RIMS2: variants seen among roughly 807,000 people sequenced by gnomAD.
RIMS2 encodes regulating synaptic membrane exocytosis 2, also known as regulating synaptic membrane exocytosis protein 2.
In RIMS2, 59 loss-of-function variants were observed where a neutral mutation model predicts 174.4. That is an observed-to-expected ratio of 0.34 (90% CI 0.27 to 0.42). The LOEUF (loss-of-function observed/expected upper bound fraction) is 0.42. Among genes scored for constraint, RIMS2 ranks in the 10% least tolerant of loss-of-function variants. The pLI, the probability that RIMS2 is intolerant of heterozygous loss-of-function variation, is 1.00. For synonymous variants in RIMS2, 606 were observed against 572.5 expected, an observed-to-expected ratio of 1.06 and a Z score of -0.84; for missense variants, 1,620 against 1,666.3, an observed-to-expected ratio of 0.97 and a Z score of 0.48.
intron 1 of RIMS2, among the ~76,000 whole-genome samples, chr8:103,554,746 G>C (rs1031990925): frequency 1.3e-5 from 2 of 152,154 alleles, no homozygotes; most frequent in East Asian, 1.9e-4. Context: ...TATGTCCATT[G>C]CAGCACTACT....
At chr8:103,715,648 C>A (rs1413471675) in intron 2 of RIMS2, among the ~76,000 whole-genome samples, 1 of 152,040 alleles carries the variant, frequency 6.6e-6, no homozygotes, top group East Asian at 1.9e-4. Flanking sequence ...ATTTAAATCA[C>A]CTTTTGACCA....
intron 1 of RIMS2, among the ~76,000 whole-genome samples, chr8:103,640,951 G>C (rs543562102): frequency 1.3e-5 from 2 of 152,198 alleles, no homozygotes; most frequent in Admixed American, 6.5e-5. Context: ...GCTGTGTAAA[G>C]AGCATCTGTA....
intron 1 of RIMS2, among the ~76,000 whole-genome samples, chr8:103,549,126 C>T (rs898537152): frequency 6.6e-6 from 1 of 151,854 alleles, no homozygotes; most frequent in East Asian, 1.9e-4. Context: ...AGAACGCCAC[C>T]AAGATACTCC....
intron 15 of RIMS2, among the ~76,000 whole-genome samples, chr8:103,961,725 T>C (rs756027167): frequency 1.3e-5 from 2 of 152,162 alleles, no homozygotes; most frequent in Admixed American, 1.3e-4. Flanking sequence ...AAATAAAGTA[T>C]TCTATTCCTT....
At chr8:103,995,431 A>G (rs996767757) in intron 17 of RIMS2, among the ~76,000 whole-genome samples, 3 of 152,074 alleles carry the variant, frequency 2.0e-5, no homozygotes, top group Admixed American at 1.3e-4. Flanking sequence ...GTTGGGCTTT[A>G]AAGATTGAAT....
intron 1 of RIMS2, among the ~76,000 whole-genome samples, chr8:103,665,284 G>A (rs1432970740): frequency 6.6e-6 from 1 of 152,142 alleles, no homozygotes; most frequent in Non-Finnish European, 1.5e-5. Flanking sequence ...ATGAAAAAAT[G>A]TGTATTAGAG....
At chr8:104,071,582 G>A (rs969493933) in intron 19 of RIMS2, among the ~76,000 whole-genome samples, 15 of 152,068 alleles carry the variant, frequency 9.9e-5, no homozygotes, top group African/African-American at 2.7e-4. Flanking sequence ...CTACAGGCAC[G>A]CGCCACCATG....
intron 19 of RIMS2, among the ~76,000 whole-genome samples, chr8:104,219,564 A>G (rs977645265): frequency 6.6e-6 from 1 of 152,208 alleles, no homozygotes; most frequent in Non-Finnish European, 1.5e-5. Context: ...ATATGATACT[A>G]TGATAGTTTA....
intron 17 of RIMS2, among the ~76,000 whole-genome samples, chr8:104,008,758 A>G (rs990443081): frequency 3.3e-5 from 5 of 152,024 alleles, no homozygotes; most frequent in African/African-American, 7.2e-5. Context: ...CCATTTTCAC[A>G]TTTTATATTG....
chr8:103,949,822 T>C (rs1277096105), intron 14 of RIMS2, among the ~76,000 whole-genome samples: 1 of 151,960 alleles, frequency 6.6e-6, no homozygotes, highest in South Asian at 2.1e-4. Context: ...AGAAAGTCAA[T>C]TGAGAAAGTA....
At chr8:103,625,496 C>T (rs190185658) in intron 1 of RIMS2, among the ~76,000 whole-genome samples, 110 of 152,198 alleles carry the variant, frequency 7.2e-4, no homozygotes, top group African/African-American at 2.5e-3. Context: ...CATTACCTAA[C>T]GCAGTAACTT....
chr8:103,731,976 G>A (rs2097602266), intron 2 of RIMS2, among the ~76,000 whole-genome samples: 1 of 152,182 alleles, frequency 6.6e-6, no homozygotes, highest in Non-Finnish European at 1.5e-5. Flanking sequence ...TTCCTGGATA[G>A]TCTTGGTGCT....
At chr8:103,869,564 C>T (rs971185651) in intron 3 of RIMS2, among the ~76,000 whole-genome samples, 1 of 151,978 alleles carries the variant, frequency 6.6e-6, no homozygotes, top group Non-Finnish European at 1.5e-5. Context: ...CTCAGATGAT[C>T]TGCCCGCCTC....
At chr8:103,977,920 A>T (rs551213922) in intron 16 of RIMS2, among the ~76,000 whole-genome samples, 6 of 152,338 alleles carry the variant, frequency 3.9e-5, no homozygotes, top group African/African-American at 1.4e-4. Context: ...AAAAGTTTCT[A>T]TGGAGTTTAA....
At chr8:103,773,929 G>A (rs933275173) in intron 3 of RIMS2, among the ~76,000 whole-genome samples, 23 of 152,260 alleles carry the variant, frequency 1.5e-4, no homozygotes, top group Middle Eastern at 3.4e-3. Flanking sequence ...ATCACTTGAG[G>A]TGAAGAGTTT....
intron 1 of RIMS2, among the ~76,000 whole-genome samples, chr8:103,634,713 A>C (rs185053889): frequency 4.1e-4 from 62 of 152,346 alleles, no homozygotes; most frequent in African/African-American, 1.4e-3. Context: ...TGTTGGGTGC[A>C]TACGTATTTA....
At chr8:103,501,174 GC>G (rs1819568769) in intron 1 of RIMS2, 112 bp downstream of exon 1, 3 of 770,150 alleles carry the variant, frequency 3.9e-6, no homozygotes, top group Non-Finnish European at 5.5e-6. Flanking sequence ...CGCTGGCGGC[GC>G]CCAGGCCACG....
At chr8:103,685,571 T>C (rs1476464178) in intron 1 of RIMS2, among the ~76,000 whole-genome samples, 1 of 152,178 alleles carries the variant, frequency 6.6e-6, no homozygotes, top group Admixed American at 6.6e-5. Flanking sequence ...AAATTTCTAA[T>C]TGCTTAAAAG....
chr8:104,015,867 A>T (rs944147433), intron 19 of RIMS2, among the ~76,000 whole-genome samples: 4 of 152,110 alleles, frequency 2.6e-5, no homozygotes, highest in African/African-American at 9.6e-5. Context: ...TTTTATGATG[A>T]TGTTTTTAAT....
Sources: gnomAD v4.1 joint callset for allele counts (sites outside exome capture counted in the v4.1 genomes callset) on GRCh38, gnomAD v4.1.1 for gene constraint, MANE v1.5 for transcripts, NCBI Gene and HGNC (gene_info 2026-07-23, HGNC 2026-07-21) for gene names.